Variants in XRCC4 observed in about 807,000 individuals in gnomAD.
XRCC4 encodes X-ray repair cross complementing 4.
A neutral mutation model predicts 39.1 loss-of-function variants in XRCC4; 28 were observed. That is an observed-to-expected ratio of 0.72 (90% CI 0.53 to 0.98). The LOEUF (loss-of-function observed/expected upper bound fraction) is 0.98, where lower values mean the gene tolerates loss of function less well. Among genes scored for constraint, XRCC4 ranks in the 50% least tolerant of loss-of-function variants. The pLI is 0.00. For synonymous variants in XRCC4, 123 were observed against 126.4 expected, an observed-to-expected ratio of 0.97 and a Z score of 0.18; for missense variants, 350 against 376.4, an observed-to-expected ratio of 0.93 and a Z score of 0.58.
intron 3 of XRCC4, among the ~76,000 whole-genome samples, chr5:83,193,739 C>A (rs1224135951): frequency 6.6e-6 from 1 of 152,060 alleles, no homozygotes; most frequent in African/African-American, 2.4e-5. Context: ...CTTTTTATTT[C>A]TAAAAATGTC....
intron 7 of XRCC4, among the ~76,000 whole-genome samples, chr5:83,334,682 T>TAC (rs1312613192): frequency 6.6e-6 from 1 of 151,790 alleles, no homozygotes; most frequent in Non-Finnish European, 1.5e-5. Flanking sequence ...TGCATATATA[T>TAC]ATATATATAA....
chr5:83,158,190 A>G (rs1749049333), intron 3 of XRCC4, among the ~76,000 whole-genome samples: 1 of 152,148 alleles, frequency 6.6e-6, no homozygotes, highest in East Asian at 1.9e-4. Context: ...TAAAGGACGA[A>G]TAACGTCATC....
At chr5:83,295,133 C>A (rs1353228343) in intron 7 of XRCC4, among the ~76,000 whole-genome samples, 7 of 152,006 alleles carry the variant, frequency 4.6e-5, no homozygotes, top group African/African-American at 4.8e-5. Context: ...CTTCTTAAAT[C>A]TTTTTATATA....
chr5:83,223,456 A>G (rs1752165322), intron 6 of XRCC4, among the ~76,000 whole-genome samples: 1 of 151,310 alleles, frequency 6.6e-6, no homozygotes, highest in Non-Finnish European at 1.5e-5. Flanking sequence ...TAATCATTAT[A>G]TAATTACCTC....
chr5:83,309,296 A>AAAT (rs1561467702), intron 7 of XRCC4, among the ~76,000 whole-genome samples: 7 of 72,228 alleles, frequency 9.7e-5, no homozygotes, highest in African/African-American at 3.4e-4. Context: ...AAAAAAAAAA[A>AAAT]ATATATATAT....
chr5:83,089,020 ATACTCTTT>A (rs1366237367), intron 1 of XRCC4, among the ~76,000 whole-genome samples: 2 of 152,188 alleles, frequency 1.3e-5, no homozygotes, highest in Non-Finnish European at 2.9e-5. Context: ...TAATTTAAAG[ATACTCTTT>A]TAGCTGTGTG....
chr5:83,182,700 AG>A (rs1750256141), intron 3 of XRCC4, among the ~76,000 whole-genome samples: 1 of 152,026 alleles, frequency 6.6e-6, no homozygotes, highest in Admixed American at 6.6e-5. Context: ...GGCTCTTGGG[AG>A]GTGATTCGGT....
chr5:83,326,804 C>A (rs1756276930), intron 7 of XRCC4, among the ~76,000 whole-genome samples: 1 of 152,026 alleles, frequency 6.6e-6, no homozygotes, highest in South Asian at 2.1e-4. Flanking sequence ...CATCCCTTGA[C>A]AATTTGACAC....
intron 2 of XRCC4, among the ~76,000 whole-genome samples, chr5:83,109,420 A>G (rs1306256873): frequency 6.6e-6 from 1 of 151,966 alleles, no homozygotes; most frequent in East Asian, 1.9e-4. Flanking sequence ...CAAAATGAAA[A>G]TAATATCTGT....
chr5:83,153,556 T>C (rs540074070), intron 3 of XRCC4, among the ~76,000 whole-genome samples: 2 of 152,260 alleles, frequency 1.3e-5, no homozygotes, highest in East Asian at 1.9e-4. Flanking sequence ...GATAAGCACA[T>C]TGGAAATATA....
intron 7 of XRCC4, among the ~76,000 whole-genome samples, chr5:83,338,318 GACAGATGATTGAGGCTGAGA>G (rs1306973130): frequency 6.6e-6 from 1 of 152,168 alleles, no homozygotes; most frequent in African/African-American, 2.4e-5. Flanking sequence ...TAGTTCGGAT[GACAGATGATTGAGGCTGAGA>G]TATGTAGCTT....
chr5:83,283,368 A>G (rs899338044), intron 7 of XRCC4, among the ~76,000 whole-genome samples: 3 of 152,188 alleles, frequency 2.0e-5, no homozygotes, highest in African/African-American at 4.8e-5. Context: ...ATGTATATTC[A>G]TAATTCTCAT....
At chr5:83,079,604 C>T (rs1744841615) in intron 1 of XRCC4, among the ~76,000 whole-genome samples, 1 of 152,302 alleles carries the variant, frequency 6.6e-6, no homozygotes, top group Middle Eastern at 3.4e-3. Context: ...TCATGACTCA[C>T]TGCAGCCTCA....
chr5:83,271,397 C>A (rs1754141222), intron 7 of XRCC4, among the ~76,000 whole-genome samples: 1 of 152,054 alleles, frequency 6.6e-6, no homozygotes, highest in Non-Finnish European at 1.5e-5. Flanking sequence ...AGCATAAAGT[C>A]ATTCTTATTT....
downstream of XRCC4, chr5:83,353,916 A>G (rs985833147): frequency 6.6e-6 from 1 of 152,208 alleles, no homozygotes. Flanking sequence ...TTTATCTTAC[A>G]CATACAGGGG....
chr5:83,137,124 T>C lies in XRCC4; in HGVS notation c.315+25921T>C, dbSNP rs549813037. Among the ~76,000 whole-genome samples the C allele has an allele frequency of 2.6e-5, 4 of 152,216 alleles. No individual in the cohort carries two copies. The South Asian group carries it at 8.3e-4, about 32-fold the overall frequency. On this transcript the variant is annotated intron_variant, in intron 3 of 7. Coordinates refer to ENST00000396027, the MANE Select transcript of XRCC4 (RefSeq NM_003401.5). The stretch of plus-strand genomic sequence containing the variant: ...CCAAAAGTTATAAACAAGTAACCAA[T>C]TGAAAAAATTAACAGAATCTAAGAT...
At chr5:83,263,769 C>T (rs1052646618) in intron 7 of XRCC4, among the ~76,000 whole-genome samples, 17 of 149,858 alleles carry the variant, frequency 1.1e-4, no homozygotes, top group East Asian at 7.8e-4. Flanking sequence ...GAGTAGGTTG[C>T]GAAAATTTTC....
At chr5:83,094,159 T>A (rs1029943995) in intron 1 of XRCC4, among the ~76,000 whole-genome samples, 1 of 152,186 alleles carries the variant, frequency 6.6e-6, no homozygotes, top group African/African-American at 2.4e-5. Context: ...TCCTTCTGAT[T>A]AGGGAACTTT....
At chr5:83,282,110 G>A (rs80080988) in intron 7 of XRCC4, among the ~76,000 whole-genome samples, 3,656 of 152,286 alleles carry the variant, frequency 0.024, 140 homozygotes, top group African/African-American at 0.083. Flanking sequence ...TGATTCAAAT[G>A]CTACAATTGG....
Sources: allele counts gnomAD v4.1 joint callset (sites outside exome capture counted in the v4.1 genomes callset), GRCh38; gene constraint gnomAD v4.1.1; transcripts MANE v1.5; gene names NCBI Gene and HGNC (gene_info 2026-07-23, HGNC 2026-07-21).